The following DNAH11 variants were observed in gnomAD, a reference collection of about 807,000 sequenced individuals.
The protein encoded by DNAH11 is axonemal beta dynein heavy chain 11.
A neutral mutation model predicts 526.0 loss-of-function variants in DNAH11; 442 were observed. The ratio of observed to expected loss-of-function variants is 0.84; its 90% CI spans 0.78 to 0.91. The LOEUF (loss-of-function observed/expected upper bound fraction) is 0.91. DNAH11 is among the 40% of genes least tolerant of loss of function. The probability of loss-of-function intolerance (pLI) is 0.00; values close to 1 mark genes in which losing one functional copy is unlikely to be tolerated. For synonymous variants in DNAH11, 2,461 were observed against 1,935.9 expected (o/e 1.27, Z -7.12); for missense variants, 6,989 against 5,448.7 (o/e 1.28, Z -8.90).
In DNAH11 at chr7:21,749,682, A is replaced by T. The variant is rs758838384; in HGVS notation, c.8678A>T (p.Asp2893Val). The change falls in exon 53 of 82, where the codon GAT (aspartate) becomes GTT (valine). Residue 2893 changes from aspartate to valine, a missense_variant. By Grantham distance (152) the Asp-to-Val change is radical. Transcript: ENST00000409508. ...EGYGIQELRV[D>V]LANLYIRTGA... ...AGTGATGGCCTTTCCTTACAGGTAG[A>T]TCTTGCCAATTTGTACATCCGAACT... 4 of 1,613,912 alleles carry T rather than the reference A, an allele frequency of 2.5e-6. No individual in the cohort carries two copies. Among genetic ancestry groups the T allele is most frequent in the Non-Finnish European group, 3.4e-6 (4 of 1,179,832 alleles).
At position 21,570,240 on chromosome 7, in the gene DNAH11, C is replaced by G. The variant is rs1345508201; in HGVS notation, c.1366C>G (p.Gln456Glu). The G allele has an allele frequency of 1.2e-6, 2 of 1,613,302 alleles. No individual in the cohort carries two copies. Among genetic ancestry groups the G allele is most frequent in the Non-Finnish European group, 1.7e-6 (2 of 1,179,680 alleles). Residue 456 changes from glutamine (Q) to glutamate (E), a missense_variant, in exon 7 of 82, where the codon CAG becomes GAG. Gln to Glu is a conservative substitution (Grantham distance 29). Transcript: ENST00000409508. The stretch of plus-strand genomic sequence containing the variant: ...AAGAAAGCTGAGACCATGGGATTTC[C>G]AGTCTCATCTGGTGTTTTGCAGATT... ...MGRKLRPWDF[Q>E]SHLVFCRFDK...
At chr7:21,724,199 G>A (rs1001018492) in intron 44 of DNAH11, among the ~76,000 whole-genome samples, 1 of 152,222 alleles carries the variant, frequency 6.6e-6, no homozygotes. Context: ...TGTCACATAA[G>A]TAATATCATC....
At position 21,681,619 on chromosome 7, in the gene DNAH11, C is replaced by T; in HGVS notation, c.5402C>T (p.Thr1801Ile). The T allele has an allele frequency of 6.2e-7, 1 of 1,613,870 alleles. No homozygotes were observed. ...LPPGDRQKIM[T>I]ICTIDVHARD... is the part of the protein sequence containing the mutation. ...CCTGGAGACAGACAGAAGATCATGA[C>T]AATTTGTACCATAGATGTCCATGCC... The change falls in exon 31 of 82, where the codon ACA becomes ATA. Residue 1801 changes from threonine to isoleucine, a missense_variant. Thr to Ile is a moderately conservative substitution (Grantham distance 89). Coordinates refer to ENST00000409508, the MANE Select transcript of DNAH11 (RefSeq NM_001277115.2).
intron 30 of DNAH11, among the ~76,000 whole-genome samples, chr7:21,664,890 A>T (rs1164078059): frequency 1.3e-5 from 2 of 152,080 alleles, no homozygotes; most frequent in Non-Finnish European, 2.9e-5. Flanking sequence ...TGCTTGAGGG[A>T]GTATGAGAGG....
rs1583623058 is a variant in DNAH11, at chr7:21,717,650, G to A, written c.6984-125G>A. On this transcript the variant is annotated intron_variant, in intron 42 of 81. Transcript: ENST00000409508. The stretch of plus-strand genomic sequence containing the variant: ...ATATTTGCAGTTTGAAAAATAGAAC[G>A]AACTCACTAAACGTGTCCTTGAAGT... The A allele has an allele frequency of 6.4e-6, 7 of 1,093,600 alleles. No homozygotes were observed. The South Asian group carries it at 7.7e-5, about 12-fold the overall frequency. The allele number at this position is 1,093,600 out of a possible 1,614,324, so 67.7% of individuals were successfully genotyped here. A position where few individuals can be genotyped will look rare whatever the true frequency, so the allele number is the denominator to read the frequency against.
intron 30 of DNAH11, among the ~76,000 whole-genome samples, chr7:21,660,436 T>A (rs1782195939): frequency 6.6e-6 from 1 of 152,010 alleles, no homozygotes; most frequent in South Asian, 2.1e-4. Context: ...ACTTGTCTTT[T>A]TTTTGTTTCT....
chr7:21,823,693 C>G (rs887613036), intron 65 of DNAH11, among the ~76,000 whole-genome samples: 11 of 151,890 alleles, frequency 7.2e-5, no homozygotes, highest in Non-Finnish European at 1.6e-4. Context: ...TTAACCAAAA[C>G]AAAAACAGAG....
chr7:21,689,961 A>G (rs1783542099), intron 34 of DNAH11, among the ~76,000 whole-genome samples: 1 of 152,188 alleles, frequency 6.6e-6, no homozygotes, highest in Non-Finnish European at 1.5e-5. Flanking sequence ...GGGTCCTCAC[A>G]GATCTTTCTG....
chr7:21,589,354 T>A lies in DNAH11; in HGVS notation c.2120T>A (p.Val707Asp). Reference protein sequence around the residue: ...ICEFNLNQPLVKFSAINGLLC... With the variant: ...ICEFNLNQPLDKFSAINGLLC... ...GAATTCAATTTGAATCAACCCTTGG[T>A]TAAATTCAGTGCCATAAATGGTCTT... The change falls in exon 12 of 82, where the codon GTT becomes GAT. Residue 707 changes from valine to aspartate, a missense_variant. Coordinates refer to ENST00000409508, the MANE Select transcript of DNAH11 (RefSeq NM_001277115.2). 1 of 1,609,538 alleles carries A rather than the reference T, an allele frequency of 6.2e-7. No individual in the cohort carries two copies. Among genetic ancestry groups the A allele is most frequent in the Non-Finnish European group, 8.5e-7 (1 of 1,178,220 alleles).
intron 18 of DNAH11, among the ~76,000 whole-genome samples, chr7:21,602,078 G>A (rs1785112644): frequency 6.6e-6 from 1 of 152,058 alleles, no homozygotes; most frequent in African/African-American, 2.4e-5. Flanking sequence ...GGTGGCTCAT[G>A]TCTGTAATCC....
intron 18 of DNAH11, among the ~76,000 whole-genome samples, chr7:21,603,417 A>G (rs1200554345): frequency 6.6e-6 from 1 of 152,126 alleles, no homozygotes; most frequent in Non-Finnish European, 1.5e-5. Context: ...TTTTCAGTAC[A>G]CCTAGGAGTG....
chr7:21,848,263 A>G (rs1027649912), intron 66 of DNAH11, among the ~76,000 whole-genome samples: 2 of 151,294 alleles, frequency 1.3e-5, no homozygotes, highest in Non-Finnish European at 2.9e-5. Flanking sequence ...TCTTATTCTG[A>G]TAACTACTTT....
chr7:21,741,995 C>CT lies in DNAH11; in HGVS notation c.7986dup (p.Ser2663Ter). On this transcript the variant is annotated frameshift_variant, in exon 49 of 82. Transcript: ENST00000409508. LOFTEE classifies it high-confidence loss of function. ...CACTAAACACCATCTATGGCCAAATCTTTAGCTTCCATTTCCAACAGCAAG... is the reference window on the plus strand; with the variant it reads ...CACTAAACACCATCTATGGCCAAATCTTTTAGCTTCCATTTCCAACAGCAAG... 1 of 1,613,970 alleles carries CT rather than the reference C, an allele frequency of 6.2e-7. No individual in the cohort carries two copies. The highest frequency in any genetic ancestry group is 8.5e-7 in the Non-Finnish European group (1 of 1,179,862).
chr7:21,718,422 G>T (rs1784750794), intron 43 of DNAH11, among the ~76,000 whole-genome samples: 1 of 152,202 alleles, frequency 6.6e-6, no homozygotes, highest in South Asian at 2.1e-4. Context: ...GTAAGAGAAA[G>T]CCTCTGAATT....
At chr7:21,721,298 C>G (rs757598329) in intron 44 of DNAH11, among the ~76,000 whole-genome samples, 2 of 152,136 alleles carry the variant, frequency 1.3e-5, no homozygotes, top group Non-Finnish European at 2.9e-5. Context: ...ATTTCTGTGT[C>G]CTGTGATCTC....
At chr7:21,882,164 A>G (rs1448691385) in intron 75 of DNAH11, among the ~76,000 whole-genome samples, 2 of 152,080 alleles carry the variant, frequency 1.3e-5, no homozygotes, top group Non-Finnish European at 2.9e-5. Context: ...AATCCTATAC[A>G]CCATTGAGGT....
intron 6 of DNAH11, among the ~76,000 whole-genome samples, chr7:21,568,622 A>AACAGG (rs1783764728): frequency 6.6e-6 from 1 of 152,154 alleles, no homozygotes; most frequent in African/African-American, 2.4e-5. Flanking sequence ...GGGCTGTATG[A>AACAGG]ACAGGAGGTT....
At chr7:21,817,980 A>T (rs1336194766) in intron 64 of DNAH11, among the ~76,000 whole-genome samples, 1 of 152,192 alleles carries the variant, frequency 6.6e-6, no homozygotes, top group East Asian at 1.9e-4. Context: ...CTATACATAG[A>T]TTTATTAGTT....
rs530119668 is a variant in DNAH11, at chr7:21,870,891, A to T, written c.11967+1900A>T. Reference sequence around the variant, plus strand: ...CACATACAGTAATTGGTAAGGAGAGATTATACCAGGCTTTGGGCCATCCCA... The same window carrying T: ...CACATACAGTAATTGGTAAGGAGAGTTTATACCAGGCTTTGGGCCATCCCA... On this transcript the variant is annotated intron_variant, in intron 73 of 81. Coordinates refer to ENST00000409508, the MANE Select transcript of DNAH11 (RefSeq NM_001277115.2). Among the ~76,000 whole-genome samples, 9 of 152,344 alleles carry T rather than the reference A, an allele frequency of 5.9e-5. No homozygotes were observed. In the East Asian group the frequency reaches 1.7e-3, roughly 29 times the overall value.
Sources: allele counts gnomAD v4.1 joint callset (sites outside exome capture counted in the v4.1 genomes callset), GRCh38; gene constraint gnomAD v4.1.1; transcripts MANE v1.5; gene names NCBI Gene and HGNC (gene_info 2026-07-23, HGNC 2026-07-21).